The following S100PBP variants were observed in gnomAD, a reference collection of about 807,000 sequenced individuals.
The protein encoded by S100PBP is S100P-binding protein.
In S100PBP, 15 loss-of-function variants were observed where a neutral mutation model predicts 39.9. That is an observed-to-expected ratio of 0.38 (90% CI 0.25 to 0.58). The LOEUF (loss-of-function observed/expected upper bound fraction) is 0.58. Among genes scored for constraint, S100PBP ranks in the 20% least tolerant of loss-of-function variants. The pLI is 0.70. For missense variants in S100PBP, 504 were observed against 487.3 expected (o/e 1.03, Z -0.32); for synonymous variants, 178 against 180.3 (o/e 0.99, Z 0.10).
chr1:32,817,485 GC>G, upstream of S100PBP: 1 of 609,848 alleles, frequency 1.6e-6, no homozygotes, highest in South Asian at 1.9e-5. Context: ...GGTGGGCGGT[GC>G]GGAGGGCGGG....
chr1:32,854,901 G>C (rs1363812094), intron 6 of S100PBP, among the ~76,000 whole-genome samples: 1 of 152,178 alleles, frequency 6.6e-6, no homozygotes, highest in East Asian at 1.9e-4. Context: ...TCTGGAGTCA[G>C]ATGTGAATTC....
At chr1:32,852,894 C>G (rs1640669673) in intron 5 of S100PBP, 185 bp from the exon 6 acceptor site, 1 of 536,678 alleles carries the variant, frequency 1.9e-6, no homozygotes, top group Non-Finnish European at 3.4e-6. Flanking sequence ...ATTGCTTCAC[C>G]TTCACCCTCC....
At chr1:32,821,512 G>T (rs771334977) in intron 1 of S100PBP, among the ~76,000 whole-genome samples, 1 of 151,970 alleles carries the variant, frequency 6.6e-6, no homozygotes, top group East Asian at 1.9e-4. Context: ...AGTAGAGTTG[G>T]GGTTTCACCA....
chr1:32,844,515 C>T (rs1397288301), intron 5 of S100PBP, among the ~76,000 whole-genome samples: 1 of 152,102 alleles, frequency 6.6e-6, no homozygotes, highest in Non-Finnish European at 1.5e-5. Flanking sequence ...CTGGTTCTGT[C>T]CCCCAGGCTA....
At chr1:32,831,353 G>T (rs752709700) in intron 5 of S100PBP, among the ~76,000 whole-genome samples, 31 of 151,590 alleles carry the variant, frequency 2.0e-4, no homozygotes, top group Admixed American at 5.3e-4. Flanking sequence ...TGGAAGATGG[G>T]GAAGGAGGAT....
chr1:32,828,722 C>T (rs555445748), intron 4 of S100PBP, among the ~76,000 whole-genome samples: 20 of 152,100 alleles, frequency 1.3e-4, no homozygotes, highest in South Asian at 2.1e-4. Flanking sequence ...TTAATTAGGC[C>T]GGGCGCGGTG....
chr1:32,817,346 G>A (rs1005656229), upstream of S100PBP: 3 of 1,486,352 alleles, frequency 2.0e-6, no homozygotes, highest in Non-Finnish European at 1.9e-6. Flanking sequence ...AGTCCAGCCA[G>A]GTTGCATCAG....
chr1:32,841,197 T>A (rs1285408206), intron 5 of S100PBP, among the ~76,000 whole-genome samples: 1 of 151,882 alleles, frequency 6.6e-6, no homozygotes, highest in Non-Finnish European at 1.5e-5. Context: ...GATTATTTTC[T>A]TATTACTGAG....
chr1:32,843,060 A>T (rs1640194031), intron 5 of S100PBP: 2 of 152,114 alleles, frequency 1.3e-5, no homozygotes, highest in African/African-American at 4.8e-5. Context: ...TTAAAATTTC[A>T]GTATCTGTTC....
intron 5 of S100PBP, among the ~76,000 whole-genome samples, chr1:32,843,973 G>A (rs1412957124): frequency 1.3e-5 from 2 of 151,962 alleles, no homozygotes; most frequent in Non-Finnish European, 2.9e-5. Context: ...GAGTGCAGTG[G>A]CTCGATCTCA....
intron 5 of S100PBP, among the ~76,000 whole-genome samples, chr1:32,850,390 C>T (rs988526906): frequency 2.6e-5 from 4 of 152,144 alleles, no homozygotes; most frequent in East Asian, 1.9e-4. Flanking sequence ...GGAGTGCTAG[C>T]GAGGTGAAAG....
intron 4 of S100PBP, 26 bp downstream of exon 4, chr1:32,828,107 C>G (rs753728965): frequency 6.8e-7 from 1 of 1,469,304 alleles, no homozygotes; most frequent in South Asian, 1.2e-5. Context: ...ATTAAATATT[C>G]TGATTTATTT....
chr1:32,856,502 A>G lies in S100PBP; in HGVS notation c.*464A>G, dbSNP rs1319526489. Reference sequence around the variant, plus strand: ...TGTGAATGGATATAAGTTACTTTTAACAACCCCTCTTACTTTTTTATTTGA... The same window carrying G: ...TGTGAATGGATATAAGTTACTTTTAGCAACCCCTCTTACTTTTTTATTTGA... On this transcript the variant is annotated 3_prime_UTR_variant, in exon 7 of 7. Coordinates refer to ENST00000373475, the MANE Select transcript of S100PBP (RefSeq NM_022753.4). 3.9e-5 allele frequency: 6 copies of G among 153,094 alleles called. No individual in the cohort carries two copies. The highest frequency in any genetic ancestry group is 5.8e-5 in the Non-Finnish European group (4 of 68,422). The allele number at this position is 153,094 out of a possible 1,614,324, so 9.5% of individuals were successfully genotyped here.
rs1389606666 is a variant in S100PBP, at chr1:32,856,067, C to A, written c.*29C>A. ...GTGTCATCCCATCAGCAATGAAGGT[C>A]CCTATCCAGGGTCCTGCTTGGAGCA... is the stretch of plus-strand genomic sequence containing the variant. On this transcript the variant is annotated 3_prime_UTR_variant, in exon 7 of 7. Coordinates refer to ENST00000373475, the MANE Select transcript of S100PBP (RefSeq NM_022753.4). 7.0e-7 allele frequency: 1 copy of A among 1,425,900 alleles called. No individual in the cohort carries two copies. The highest frequency in any genetic ancestry group is 1.2e-5 in the South Asian group (1 of 86,942). 88.3% of individuals were successfully genotyped at this position (1,425,900 alleles called of 1,614,324 possible). A position where few individuals can be genotyped will look rare whatever the true frequency, so the allele number is the denominator to read the frequency against.
At chr1:32,845,576 G>A (rs1222685060) in intron 5 of S100PBP, among the ~76,000 whole-genome samples, 2 of 152,002 alleles carry the variant, frequency 1.3e-5, no homozygotes, top group Admixed American at 6.5e-5. Context: ...TGGAAGATCA[G>A]ATCATTGATC....
chr1:32,849,725 T>C (rs1239208954), intron 5 of S100PBP, among the ~76,000 whole-genome samples: 1 of 152,238 alleles, frequency 6.6e-6, no homozygotes, highest in African/African-American at 2.4e-5. Context: ...GATTTTTACT[T>C]TCTAATCTCA....
chr1:32,841,806 G>C (rs1051761201), intron 5 of S100PBP, among the ~76,000 whole-genome samples: 6 of 150,598 alleles, frequency 4.0e-5, no homozygotes, highest in Admixed American at 2.0e-4. Context: ...TAAAAGAAAA[G>C]GCCACAAAAA....
At chr1:32,835,248 T>C (rs894037469) in intron 5 of S100PBP, 4 of 152,148 alleles carry the variant, frequency 2.6e-5, no homozygotes, top group African/African-American at 7.2e-5. Flanking sequence ...ACCTCATGGA[T>C]TTTTTTAAAG....
At chr1:32,836,663 A>C in intron 5 of S100PBP, 1 of 779,534 alleles carries the variant, frequency 1.3e-6, no homozygotes. Context: ...CTTCTGTTCT[A>C]CTGCTCCAAT....
Sources: allele counts gnomAD v4.1 joint callset (sites outside exome capture counted in the v4.1 genomes callset), GRCh38; gene constraint gnomAD v4.1.1; transcripts MANE v1.5; gene names NCBI Gene and HGNC (gene_info 2026-07-23, HGNC 2026-07-21).